DOT1L: variants seen among roughly 807,000 people sequenced by gnomAD.
The protein encoded by DOT1L is histone-lysine N-methyltransferase, H3 lysine-79 specific.
In DOT1L, 33 loss-of-function variants were observed where a neutral mutation model predicts 153.3. The ratio of observed to expected loss-of-function variants is 0.22; its 90% confidence interval spans 0.16 to 0.29. DOT1L has a LOEUF of 0.29. Ranked by LOEUF, DOT1L falls within the 10% of genes least tolerant of loss-of-function variation. The pLI is 1.00. For missense variants in DOT1L, 1,847 were observed against 2,119.9 expected, an observed-to-expected ratio of 0.87 and a Z score of 2.53; for synonymous variants, 1,135 against 965.1, an observed-to-expected ratio of 1.18 and a Z score of -3.26.
At chr19:2,181,168 T>A (rs1257321711) in intron 2 of DOT1L, among the ~76,000 whole-genome samples, 1 of 152,174 alleles carries the variant, frequency 6.6e-6, no homozygotes, top group Non-Finnish European at 1.5e-5. Context: ...CCTCGTAAGC[T>A]CCAGCCTGGG....
chr19:2,180,085 G>C (rs1274122991), intron 1 of DOT1L, among the ~76,000 whole-genome samples: 1 of 152,188 alleles, frequency 6.6e-6, no homozygotes, highest in Non-Finnish European at 1.5e-5. Flanking sequence ...GGAGGGATCT[G>C]TGTTAGGCCA....
chr19:2,214,165 C>T (rs933026509), intron 18 of DOT1L, 179 bp downstream of exon 18: 3 of 1,130,142 alleles, frequency 2.7e-6, no homozygotes, highest in Non-Finnish European at 2.4e-6. Context: ...AGGCCTGGGC[C>T]CCTCGGCTGG....
chr19:2,216,798 C>T (rs1426559595), intron 20 of DOT1L, 33 bp downstream of exon 20: 14 of 1,566,610 alleles, frequency 8.9e-6, no homozygotes, highest in African/African-American at 1.3e-5. Flanking sequence ...GGGTCTGCAG[C>T]TGGTACCTGC....
chr19:2,191,359 C>T lies in DOT1L; in HGVS notation c.493+119C>T. Reference sequence around the variant, plus strand: ...ACTTGCGACGTTGGCGTGGACAGTGCTTCCTTCTCCCAGCGCCTCTGTCCC... The same window carrying T: ...ACTTGCGACGTTGGCGTGGACAGTGTTTCCTTCTCCCAGCGCCTCTGTCCC... On this transcript the variant is annotated intron_variant, in intron 5 of 27. Transcript: ENST00000398665. This position sits in a 1 kb window ranked among gnomAD's most constrained non-coding sequence, Gnocchi z 6.8. 9.7e-7 allele frequency: 1 copy of T among 1,032,528 alleles called. No homozygotes were observed. Among genetic ancestry groups the T allele is most frequent in the Non-Finnish European group, 1.5e-6 (1 of 689,626 alleles). The allele number at this position is 1,032,528 out of a possible 1,614,324, so 64.0% of individuals were successfully genotyped here.
At chr19:2,168,660 G>T (rs2144647966) in intron 1 of DOT1L, among the ~76,000 whole-genome samples, 1 of 152,260 alleles carries the variant, frequency 6.6e-6, no homozygotes, top group African/African-American at 2.4e-5. Flanking sequence ...TGTTGCCTGG[G>T]CTGGAGTACA....
At chr19:2,205,521 G>A (rs956930243) in intron 9 of DOT1L, among the ~76,000 whole-genome samples, 2 of 152,126 alleles carry the variant, frequency 1.3e-5, no homozygotes, top group Admixed American at 6.6e-5. Flanking sequence ...GTGTCCATCC[G>A]GTCTGTTTGT....
At position 2,226,737 on chromosome 19, in the gene DOT1L, C is replaced by T. The variant is rs758414948; in HGVS notation, c.4216C>T (p.Leu1406=). 15 of 1,558,380 alleles carry T rather than the reference C, an allele frequency of 9.6e-6. No individual in the cohort carries two copies. The Admixed American group carries it at 2.5e-4, about 26-fold the overall frequency. Residue 1406 remains leucine (L), a synonymous_variant, in exon 27 of 28, where the codon CTG becomes TTG. Transcript: ENST00000398665. ...CGGGCCCACGGACAAGACCCCACTG[C>T]TGAGCGGCAAGGCCGCCAAGGCCCG... ...LCGPTDKTPL[L]SGKAAKARDR...
At chr19:2,225,638 C>T (rs1049148424) in intron 26 of DOT1L, among the ~76,000 whole-genome samples, 186 bp downstream of exon 26, 3 of 151,496 alleles carry the variant, frequency 2.0e-5, no homozygotes, top group African/African-American at 7.3e-5. Context: ...ACTGGGGGCG[C>T]TGGGCTTCCA....
intron 27 of DOT1L, chr19:2,228,333 G>C: frequency 7.5e-7 from 1 of 1,330,276 alleles, no homozygotes; most frequent in Non-Finnish European, 1.0e-6. Context: ...CCTTTCGGGG[G>C]TTAAGCCGCG....
In DOT1L at chr19:2,209,202, C is replaced by T. The variant is rs139655684; in HGVS notation, c.1005+226C>T. 2.0e-3 allele frequency among the ~76,000 whole-genome samples: 301 copies of T among 152,226 alleles called. 2 individuals are homozygous for T. Among genetic ancestry groups the T allele is most frequent in the Non-Finnish European group, 2.9e-3 (197 of 68,014 alleles). ...CCTGTCCTCCCCCTCTTCCTCTCCT[C>T]TCCCAGCCCTTTTCTCTCACCATTC... On this transcript the variant is annotated intron_variant, in intron 12 of 27. Transcript: ENST00000398665.
Position 2,229,155 on chromosome 19 carries a change from T to G in DOT1L, c.4607-630T>G, listed in dbSNP as rs186374910. On this transcript the variant is annotated intron_variant, in intron 27 of 27. Coordinates refer to ENST00000398665, the MANE Select transcript of DOT1L (RefSeq NM_032482.3). ...ACCAGAAGGAAGTTGGAAGCAGGAGTGATTTTGATGATGTGAGGCCTTCAG... is the reference window on the plus strand; with the variant it reads ...ACCAGAAGGAAGTTGGAAGCAGGAGGGATTTTGATGATGTGAGGCCTTCAG... 4.4e-4 allele frequency: 434 copies of G among 984,870 alleles called. 7 individuals carry two copies. The Admixed American group carries it at 0.018, about 41-fold the overall frequency. 61.0% of individuals were successfully genotyped at this position (984,870 alleles called of 1,614,324 possible).
In DOT1L at chr19:2,193,561, TGG is replaced by T; in HGVS notation, c.494-127_494-126del. On this transcript the variant is annotated intron_variant, in intron 5 of 27. Coordinates refer to ENST00000398665, the MANE Select transcript of DOT1L (RefSeq NM_032482.3). The surrounding 1 kb of genome is among the most constrained non-coding windows in gnomAD (Gnocchi z 5.9). ...GTGACCTTGGAGCATCGGATATGTG[TGG>T]AGACTGTGGCCTCCCCTGTGGGTCT... is the stretch of plus-strand genomic sequence containing the variant. 3.9e-6 allele frequency: 3 copies of T among 775,530 alleles called. No individual in the cohort carries two copies. Among genetic ancestry groups the T allele is most frequent in the Non-Finnish European group, 6.4e-6 (3 of 470,332 alleles). The allele number at this position is 775,530 out of a possible 1,614,324, so 48.0% of individuals were successfully genotyped here.
In DOT1L at chr19:2,226,291, C is replaced by T. The variant is rs746101642; in HGVS notation, c.3770C>T (p.Ala1257Val). Reference protein sequence around the residue: ...PISDIGLAKSADSPLQASSAL... With the variant: ...PISDIGLAKSVDSPLQASSAL... Reference sequence around the variant, plus strand: ...TCCGACATCGGCCTGGCCAAGTCGGCGGACAGCCCGCTGCAGGCCAGCTCC... The same window carrying T: ...TCCGACATCGGCCTGGCCAAGTCGGTGGACAGCCCGCTGCAGGCCAGCTCC... The change falls in exon 27 of 28, where the codon GCG (alanine) becomes GTG (valine). Residue 1257 changes from alanine (A) to valine (V), a missense_variant. Coordinates refer to ENST00000398665, the MANE Select transcript of DOT1L (RefSeq NM_032482.3). 35 of 1,596,448 alleles carry T rather than the reference C, an allele frequency of 2.2e-5. No homozygotes were observed. The highest frequency in any genetic ancestry group is 5.6e-5 in the South Asian group (5 of 88,828).
intron 27 of DOT1L, chr19:2,227,519 C>G (rs1040006259): frequency 5.7e-6 from 3 of 528,254 alleles, no homozygotes; most frequent in Non-Finnish European, 6.7e-6. Context: ...GAGGAGCCGC[C>G]GGGGGGAGCG....
intron 7 of DOT1L, 34 bp downstream of exon 7, chr19:2,194,611 C>T: frequency 6.2e-7 from 1 of 1,603,782 alleles, no homozygotes; most frequent in Non-Finnish European, 8.5e-7. Flanking sequence ...GCTCCCATCG[C>T]CGGCCCCACC....
In DOT1L at chr19:2,220,024, G is replaced by A; in HGVS notation, c.2692-84G>A. On this transcript the variant is annotated intron_variant, in intron 22 of 27. Coordinates refer to ENST00000398665, the MANE Select transcript of DOT1L (RefSeq NM_032482.3). This position sits in a 1 kb window ranked among gnomAD's most constrained non-coding sequence, Gnocchi z 4.5. ...GGCGGCCTCCCCCAGCCAGCTGCAGGCCTCAACACTCACTGTTTCCAGCTG... is the reference window on the plus strand; with the variant it reads ...GGCGGCCTCCCCCAGCCAGCTGCAGACCTCAACACTCACTGTTTCCAGCTG... The A allele has an allele frequency of 7.8e-7, 1 of 1,284,300 alleles. No homozygotes were observed. Among genetic ancestry groups the A allele is most frequent in the African/African-American group, 1.5e-5 (1 of 67,378 alleles). The allele number at this position is 1,284,300 out of a possible 1,614,324, so 79.6% of individuals were successfully genotyped here. A position where few individuals can be genotyped will look rare whatever the true frequency, so the allele number is the denominator to read the frequency against.
intron 22 of DOT1L, among the ~76,000 whole-genome samples, chr19:2,218,550 C>G (rs8112532): frequency 1.3e-5 from 2 of 150,898 alleles, no homozygotes; most frequent in Admixed American, 6.6e-5. Context: ...CCCGCCACCA[C>G]GCCTGGCTAA....
At chr19:2,179,076 G>GT (rs902005774) in intron 1 of DOT1L, among the ~76,000 whole-genome samples, 39 of 152,132 alleles carry the variant, frequency 2.6e-4, no homozygotes, top group Non-Finnish European at 5.3e-4. Context: ...GGAAAGCTGG[G>GT]GGGGGGTCTC....
At chr19:2,228,825 C>T (rs1599632697) in intron 27 of DOT1L, 1 of 985,396 alleles carries the variant, frequency 1.0e-6, no homozygotes, top group Non-Finnish European at 1.2e-6. Flanking sequence ...ACGGTGCCGG[C>T]TGCAGAGGTC....
Sources: allele counts gnomAD v4.1 joint callset (sites outside exome capture counted in the v4.1 genomes callset), GRCh38; gene constraint gnomAD v4.1.1; non-coding constraint Gnocchi (gnomAD v3.1); transcripts MANE v1.5; gene names NCBI Gene and HGNC (gene_info 2026-07-23, HGNC 2026-07-21).